The following ZNF782 variants were observed in gnomAD, a reference collection of about 807,000 sequenced individuals.
The protein encoded by ZNF782 is zinc finger protein 782.
ZNF782 carries 12 observed loss-of-function variants against 13.0 expected under a neutral mutation model. The ratio of observed to expected loss-of-function variants is 0.92; its 90% CI spans 0.59 to 1.50. The LOEUF (loss-of-function observed/expected upper bound fraction) is 1.50, where lower values mean the gene tolerates loss of function less well. Among genes scored for constraint, ZNF782 ranks in the 40% most tolerant of loss-of-function variants. The pLI is 0.00. For synonymous variants in ZNF782, 284 were observed against 283.0 expected (o/e 1.00, Z -0.04); for missense variants, 770 against 822.9 (o/e 0.94, Z 0.79).
rs1421593705 is a variant in ZNF782, at chr9:96,818,133, C to T, written c.1890G>A (p.Lys630=). The T allele has an allele frequency of 1.2e-6, 2 of 1,613,230 alleles. No individual in the cohort carries two copies. Among genetic ancestry groups the T allele is most frequent in the Non-Finnish European group, 8.5e-7 (1 of 1,179,826 alleles). ...CNECGKAFSE[K]SVLRKHQRTH... ...TTCGCTGATGTTTTCTTAGGACTGA[C>T]TTCTCACTGAAAGCTTTTCCACATT... The change falls in exon 6 of 6, where the codon AAG becomes AAA. Residue 630 remains lysine, a synonymous_variant. Transcript: ENST00000481138.
the ZNF782 span, among the ~76,000 whole-genome samples, chr9:96,886,689 G>A: frequency 6.6e-6 from 1 of 152,042 alleles, no homozygotes; most frequent in Non-Finnish European, 1.5e-5. Context: ...TTGGGAGGCC[G>A]AGGCAGGTGG....
At chr9:96,869,644 C>T (rs994057088) in intron 1 of ZNF782, among the ~76,000 whole-genome samples, 1 of 152,072 alleles carries the variant, frequency 6.6e-6, no homozygotes, top group Admixed American at 6.6e-5. Context: ...TTGTGACTTT[C>T]GGTGAGTACA....
At position 96,843,458 on chromosome 9, in the gene ZNF782, G is replaced by T. The variant is rs531387084; in HGVS notation, c.142+1432C>A. ...ACTGTATGATTCCACTTATATAACAGTCTCAAAATGACAAAATTATAGAGC... is the reference window on the plus strand; with the variant it reads ...ACTGTATGATTCCACTTATATAACATTCTCAAAATGACAAAATTATAGAGC... On this transcript the variant is annotated intron_variant, in intron 4 of 5. Transcript: ENST00000481138. 7.9e-5 allele frequency among the ~76,000 whole-genome samples: 12 copies of T among 152,244 alleles called. 1 individual carries two copies. The highest frequency in any genetic ancestry group is 2.9e-4 in the African/African-American group (12 of 41,554).
At chr9:96,882,017 G>A in the ZNF782 span, among the ~76,000 whole-genome samples, 12 of 140,946 alleles carry the variant, frequency 8.5e-5, no homozygotes, top group Middle Eastern at 3.9e-3. Flanking sequence ...GTGTGTGTGT[G>A]TATACTCATT....
At chr9:96,869,325 C>T (rs1851797696) in intron 1 of ZNF782, among the ~76,000 whole-genome samples, 1 of 152,184 alleles carries the variant, frequency 6.6e-6, no homozygotes, top group Non-Finnish European at 1.5e-5. Flanking sequence ...TCCTTTTGAA[C>T]TGCTACCCTT....
chr9:96,918,129 C>T, the ZNF782 span, among the ~76,000 whole-genome samples: 4 of 150,786 alleles, frequency 2.7e-5, no homozygotes, highest in Non-Finnish European at 4.4e-5. Flanking sequence ...AGGCCAGGTG[C>T]GGTGGCTCAC....
intron 5 of ZNF782, 79 bp from the exon 6 acceptor site, chr9:96,819,857 C>A (rs1850349628): frequency 1.8e-6 from 2 of 1,083,752 alleles, no homozygotes; most frequent in Admixed American, 3.6e-5. Context: ...TATATATATG[C>A]CCTATTATGT....
At chr9:96,911,165 C>CG in the ZNF782 span, among the ~76,000 whole-genome samples, 1 of 146,306 alleles carries the variant, frequency 6.8e-6, no homozygotes, top group African/African-American at 2.5e-5. Context: ...AAGGGCCAGG[C>CG]GCGGTGGCTC....
chr9:96,879,513 A>C (rs1056188763), upstream of ZNF782, among the ~76,000 whole-genome samples: 1 of 152,120 alleles, frequency 6.6e-6, no homozygotes, highest in African/African-American at 2.4e-5. Flanking sequence ...AAAAACAAAC[A>C]AAAAAAGAAA....
At chr9:96,840,677 T>C (rs1851160110) in intron 4 of ZNF782, among the ~76,000 whole-genome samples, 1 of 152,028 alleles carries the variant, frequency 6.6e-6, no homozygotes, top group Non-Finnish European at 1.5e-5. Context: ...GAATGAGTGT[T>C]CAATCAAAGA....
chr9:96,907,405 T>C, the ZNF782 span, among the ~76,000 whole-genome samples: 1 of 152,108 alleles, frequency 6.6e-6, no homozygotes, highest in South Asian at 2.1e-4. Context: ...GACGAAAAAG[T>C]TCTGGAAATT....
At chr9:96,911,516 G>GT in the ZNF782 span, among the ~76,000 whole-genome samples, 2 of 111,942 alleles carry the variant, frequency 1.8e-5, no homozygotes, top group South Asian at 2.8e-4. Context: ...TTTTGTTTTT[G>GT]TTTTGTTTTG....
chr9:96,842,598 T>C (rs1851221668), intron 4 of ZNF782, among the ~76,000 whole-genome samples: 1 of 152,064 alleles, frequency 6.6e-6, no homozygotes, highest in Non-Finnish European at 1.5e-5. Flanking sequence ...AATTAAAATG[T>C]AAAATATATT....
chr9:96,929,574 A>G, the ZNF782 span, among the ~76,000 whole-genome samples: 2 of 152,134 alleles, frequency 1.3e-5, no homozygotes, highest in South Asian at 2.1e-4. Context: ...GCTGGGGGCC[A>G]CTGTAACTGC....
At chr9:96,895,899 C>T in the ZNF782 span, 3 of 152,228 alleles carry the variant, frequency 2.0e-5, no homozygotes, top group Admixed American at 2.0e-4. Flanking sequence ...CACTTACCTG[C>T]CTCTATCTAG....
the ZNF782 span, among the ~76,000 whole-genome samples, chr9:96,901,434 G>A: frequency 1.3e-5 from 2 of 150,902 alleles, no homozygotes; most frequent in South Asian, 2.1e-4. Flanking sequence ...ACCACGCCTG[G>A]CTAATTTTTG....
intron 4 of ZNF782, among the ~76,000 whole-genome samples, chr9:96,835,643 TC>T (rs147404501): frequency 6.6e-6 from 1 of 152,206 alleles, no homozygotes; most frequent in African/African-American, 2.4e-5. Context: ...AAGCCTTACA[TC>T]CCCTGGCTTA....
the ZNF782 span, among the ~76,000 whole-genome samples, chr9:96,901,200 A>G: frequency 6.6e-6 from 1 of 151,910 alleles, no homozygotes; most frequent in Non-Finnish European, 1.5e-5. Context: ...TACAGTTTTG[A>G]CAGTAAATAA....
intron 1 of ZNF782, among the ~76,000 whole-genome samples, chr9:96,875,008 C>T (rs1050674176): frequency 2.6e-5 from 4 of 152,212 alleles, no homozygotes; most frequent in African/African-American, 9.6e-5. Flanking sequence ...ACATTCACTT[C>T]CCATTATTTC....
Sources: allele counts gnomAD v4.1 joint callset (sites outside exome capture counted in the v4.1 genomes callset), GRCh38; gene constraint gnomAD v4.1.1; transcripts MANE v1.5; gene names NCBI Gene and HGNC (gene_info 2026-07-23, HGNC 2026-07-21).